The following RALYL variants were observed in gnomAD, a reference collection of about 807,000 sequenced individuals.
RALYL encodes the protein RALY RNA binding protein like, also known as RNA-binding Raly-like protein.
RALYL carries 29 observed loss-of-function variants against 35.1 expected under a neutral mutation model. The observed-to-expected ratio is 0.83, with a 90% CI of 0.61 to 1.13. The LOEUF is 1.13. Among genes scored for constraint, RALYL ranks in the 50% most tolerant of loss-of-function variants. The pLI is 0.00. For missense variants in RALYL, 359 were observed against 360.4 expected (o/e 1.00, Z 0.03); for synonymous variants, 120 against 127.6 (o/e 0.94, Z 0.40).
chr8:84,780,702 G>A (rs1217040200), intron 3 of RALYL, among the ~76,000 whole-genome samples: 2 of 152,134 alleles, frequency 1.3e-5, no homozygotes, highest in Non-Finnish European at 2.9e-5. Context: ...TTTTTGGGCT[G>A]CATAAAGGAA....
At chr8:84,784,485 G>A (rs1342352706) in intron 3 of RALYL, among the ~76,000 whole-genome samples, 4 of 152,104 alleles carry the variant, frequency 2.6e-5, no homozygotes, top group Admixed American at 1.3e-4. Flanking sequence ...TTGTAAAAAT[G>A]TATTTTTCCC....
At chr8:84,731,766 A>T (rs1846217192) in intron 2 of RALYL, among the ~76,000 whole-genome samples, 1 of 152,134 alleles carries the variant, frequency 6.6e-6, no homozygotes, top group Admixed American at 6.6e-5. Flanking sequence ...ATAGTAATGT[A>T]AAAAAACTAT....
chr8:84,860,191 A>C (rs1404511456), intron 5 of RALYL, among the ~76,000 whole-genome samples: 1 of 152,202 alleles, frequency 6.6e-6, no homozygotes, highest in Non-Finnish European at 1.5e-5. Flanking sequence ...AGTGAACTTT[A>C]CTTGGCCTGT....
At chr8:84,542,745 G>T (rs747818247) in intron 2 of RALYL, among the ~76,000 whole-genome samples, 1 of 152,144 alleles carries the variant, frequency 6.6e-6, no homozygotes, top group Non-Finnish European at 1.5e-5. Context: ...CTTCATAGCA[G>T]CATGAGAATG....
chr8:84,515,297 A>G (rs529923299), intron 1 of RALYL, among the ~76,000 whole-genome samples: 2 of 152,140 alleles, frequency 1.3e-5, no homozygotes, highest in South Asian at 2.1e-4. Context: ...CTAATTTTTT[A>G]AAAAGCTCTA....
intron 2 of RALYL, among the ~76,000 whole-genome samples, chr8:84,764,766 A>G (rs530121050): frequency 6.6e-6 from 1 of 152,324 alleles, no homozygotes; most frequent in African/African-American, 2.4e-5. Flanking sequence ...TGCCCAGTAA[A>G]ATTAGACTAC....
chr8:84,840,622 C>G (rs1338399555), intron 4 of RALYL, among the ~76,000 whole-genome samples: 1 of 152,116 alleles, frequency 6.6e-6, no homozygotes, highest in Non-Finnish European at 1.5e-5. Flanking sequence ...GAGAACGCCA[C>G]AAAGATGCTA....
intron 1 of RALYL, among the ~76,000 whole-genome samples, chr8:84,470,059 C>T (rs1253569244): frequency 6.6e-6 from 1 of 152,172 alleles, no homozygotes; most frequent in East Asian, 1.9e-4. Flanking sequence ...TAGTGAGATG[C>T]ACCCGGTACC....
At chr8:84,253,959 T>G (rs1012673430) in intron 1 of RALYL, among the ~76,000 whole-genome samples, 12 of 152,176 alleles carry the variant, frequency 7.9e-5, no homozygotes, top group Admixed American at 6.5e-4. Flanking sequence ...GCTGAATAGC[T>G]GAAAATATTA....
intron 2 of RALYL, among the ~76,000 whole-genome samples, chr8:84,565,819 G>T (rs2061744595): frequency 6.6e-6 from 1 of 151,528 alleles, no homozygotes; most frequent in South Asian, 2.1e-4. Context: ...ACTTTTCTGA[G>T]CATCCTCAAC....
At chr8:84,775,940 T>A (rs1490764058) in intron 3 of RALYL, among the ~76,000 whole-genome samples, 5 of 152,200 alleles carry the variant, frequency 3.3e-5, no homozygotes, top group Non-Finnish European at 7.3e-5. Flanking sequence ...TATAGCCAAT[T>A]GTTCCAGGCT....
At chr8:84,374,514 A>G (rs771169745) in intron 1 of RALYL, among the ~76,000 whole-genome samples, 14 of 152,010 alleles carry the variant, frequency 9.2e-5, no homozygotes, top group Non-Finnish European at 1.6e-4. Context: ...TATGTGGTAC[A>G]TATACACAAT....
intron 1 of RALYL, among the ~76,000 whole-genome samples, chr8:84,479,627 T>C (rs1357792168): frequency 2.0e-5 from 3 of 152,204 alleles, no homozygotes; most frequent in Non-Finnish European, 4.4e-5. Flanking sequence ...GTATATCTAA[T>C]AATTATTCTT....
intron 1 of RALYL, among the ~76,000 whole-genome samples, chr8:84,200,588 C>G (rs1413256617): frequency 6.6e-6 from 1 of 152,038 alleles, no homozygotes; most frequent in Non-Finnish European, 1.5e-5. Context: ...AACTAAACCA[C>G]AACAGTTTTG....
chr8:84,440,550 A>G (rs551834536), intron 1 of RALYL, among the ~76,000 whole-genome samples: 1 of 152,166 alleles, frequency 6.6e-6, no homozygotes, highest in Non-Finnish European at 1.5e-5. Flanking sequence ...GTAATGACTG[A>G]TTAGTTTTCT....
chr8:84,568,538 G>T (rs923670295), intron 2 of RALYL, among the ~76,000 whole-genome samples: 14 of 121,294 alleles, frequency 1.2e-4, no homozygotes, highest in Non-Finnish European at 2.4e-4. Context: ...ATAGCAGCAT[G>T]ATTTATAATC....
At chr8:84,814,706 G>A (rs1187327553) in intron 4 of RALYL, among the ~76,000 whole-genome samples, 2 of 152,144 alleles carry the variant, frequency 1.3e-5, no homozygotes, top group African/African-American at 4.8e-5. Context: ...AAGAAGTTGA[G>A]TGAAATCTCA....
chr8:84,800,651 A>AAC (rs1554594553), intron 3 of RALYL, among the ~76,000 whole-genome samples: 18 of 152,064 alleles, frequency 1.2e-4, no homozygotes, highest in East Asian at 7.7e-4. Flanking sequence ...AGATAAAAAA[A>AAC]ATTCCTTTCT....
intron 1 of RALYL, among the ~76,000 whole-genome samples, chr8:84,317,608 C>A (rs181858056): frequency 6.6e-6 from 1 of 152,180 alleles, no homozygotes; most frequent in South Asian, 2.1e-4. Flanking sequence ...AATGTGTTTG[C>A]CATGATTAGC....
Sources: allele counts gnomAD v4.1 joint callset (sites outside exome capture counted in the v4.1 genomes callset), GRCh38; gene constraint gnomAD v4.1.1; transcripts MANE v1.5; gene names NCBI Gene and HGNC (gene_info 2026-07-23, HGNC 2026-07-21).